Variants in SLC5A4 observed in about 807,000 individuals in gnomAD.
SLC5A4 encodes the protein solute carrier family 5 member 4.
SLC5A4 carries 55 observed loss-of-function variants against 70.3 expected under a neutral mutation model. That is an observed-to-expected ratio of 0.78 (90% CI 0.63 to 0.98). SLC5A4 has a LOEUF of 0.98. SLC5A4 is among the 50% of genes least tolerant of loss of function. SLC5A4 has a pLI of 0.00. For synonymous variants in SLC5A4, 268 were observed against 305.7 expected, an observed-to-expected ratio of 0.88 and a Z score of 1.29; for missense variants, 735 against 839.2, an observed-to-expected ratio of 0.88 and a Z score of 1.53.
At chr22:32,273,227 C>T in the SLC5A4 span, 1 of 341,122 alleles carries the variant, frequency 2.9e-6, no homozygotes, top group African/African-American at 2.1e-5. Flanking sequence ...TCAAGAATCT[C>T]AAAAATATTC....
At chr22:32,265,191 G>T in the SLC5A4 span, among the ~76,000 whole-genome samples, 1 of 152,184 alleles carries the variant, frequency 6.6e-6, no homozygotes, top group African/African-American at 2.4e-5. Flanking sequence ...CTTAAGACCA[G>T]TTCTGGCAAT....
the SLC5A4 span, among the ~76,000 whole-genome samples, chr22:32,306,619 G>A: frequency 5.3e-5 from 8 of 152,272 alleles, no homozygotes; most frequent in African/African-American, 1.9e-4. Context: ...CTCACATGAA[G>A]CCAGAGTTTA....
chr22:32,272,154 C>G, the SLC5A4 span: 1 of 703,316 alleles, frequency 1.4e-6, no homozygotes, highest in African/African-American at 1.7e-5. Flanking sequence ...TCAAAGGCTA[C>G]GCGTGGCCGC....
the SLC5A4 span, among the ~76,000 whole-genome samples, chr22:32,273,846 C>G: frequency 0.27 from 41,599 of 151,812 alleles, 5,662 homozygotes; most frequent in East Asian, 0.33. Flanking sequence ...AATGCTATTA[C>G]AGATTATAAA....
chr22:32,270,021 G>A, the SLC5A4 span: 11 of 493,304 alleles, frequency 2.2e-5, no homozygotes, highest in East Asian at 1.6e-4. Flanking sequence ...AGGAGCCCCC[G>A]GCCAGTGCTA....
At chr22:32,316,192 C>A in the SLC5A4 span, among the ~76,000 whole-genome samples, 1 of 150,706 alleles carries the variant, frequency 6.6e-6, no homozygotes, top group East Asian at 1.9e-4. Flanking sequence ...GTGAGAAGTA[C>A]TTAATACCCC....
At chr22:32,329,819 G>A in the SLC5A4 span, among the ~76,000 whole-genome samples, 2 of 66,354 alleles carry the variant, frequency 3.0e-5, no homozygotes, top group Non-Finnish European at 2.8e-5. Flanking sequence ...AGGCTCTGGT[G>A]TGTGTGTTGG....
the SLC5A4 span, among the ~76,000 whole-genome samples, chr22:32,263,847 C>T: frequency 4.6e-5 from 7 of 152,172 alleles, no homozygotes; most frequent in African/African-American, 7.2e-5. Context: ...GGCACATACA[C>T]ACCATGGAAT....
At chr22:32,317,585 C>A in the SLC5A4 span, among the ~76,000 whole-genome samples, 19 of 152,172 alleles carry the variant, frequency 1.2e-4, 1 homozygote, top group South Asian at 2.1e-4. Context: ...GCCCCTGCCT[C>A]CTGTGTAGCT....
At chr22:32,346,848 A>G in the SLC5A4 span, among the ~76,000 whole-genome samples, 1 of 148,698 alleles carries the variant, frequency 6.7e-6, no homozygotes, top group African/African-American at 2.5e-5. Flanking sequence ...GACAAAATTG[A>G]CAAATGGGAT....
chr22:32,324,258 C>T, the SLC5A4 span, among the ~76,000 whole-genome samples: 27,734 of 141,588 alleles, frequency 0.2, 2,800 homozygotes, highest in Admixed American at 0.24. Context: ...TATATATACA[C>T]ACATATATGT....
At chr22:32,304,044 T>C in the SLC5A4 span, among the ~76,000 whole-genome samples, 1 of 152,226 alleles carries the variant, frequency 6.6e-6, no homozygotes. Flanking sequence ...TCTGATGACA[T>C]ATGAGATGGA....
the SLC5A4 span, among the ~76,000 whole-genome samples, chr22:32,288,646 A>C: frequency 5.3e-5 from 8 of 152,058 alleles, no homozygotes; most frequent in African/African-American, 1.9e-4. Context: ...TCCCGGGTTC[A>C]AGTGATTCTC....
the SLC5A4 span, among the ~76,000 whole-genome samples, chr22:32,278,047 C>A: frequency 6.6e-6 from 1 of 152,034 alleles, no homozygotes; most frequent in Non-Finnish European, 1.5e-5. Context: ...GTTTAGGGCC[C>A]CACTGGATCA....
chr22:32,271,687 GCA>G, the SLC5A4 span: 1 of 578,398 alleles, frequency 1.7e-6, no homozygotes, highest in African/African-American at 1.9e-5. Flanking sequence ...TGCTGCGGCT[GCA>G]CCCCGTGGGC....
the SLC5A4 span, among the ~76,000 whole-genome samples, chr22:32,261,553 G>C: frequency 6.6e-6 from 1 of 152,168 alleles, no homozygotes. Context: ...CCAGGGGCAG[G>C]GTCAGAGTCC....
the SLC5A4 span, chr22:32,270,465 G>C: frequency 1.0e-6 from 1 of 978,876 alleles, no homozygotes; most frequent in Non-Finnish European, 1.6e-6. Context: ...CCAAGGGGGA[G>C]GGCACGGAGC....
the SLC5A4 span, among the ~76,000 whole-genome samples, chr22:32,335,918 C>A: frequency 6.6e-6 from 1 of 152,222 alleles, no homozygotes; most frequent in Non-Finnish European, 1.5e-5. Context: ...CCTCGGTTTC[C>A]ATCATTGTCA....
chr22:32,324,898 C>G, the SLC5A4 span, among the ~76,000 whole-genome samples: 1 of 152,260 alleles, frequency 6.6e-6, no homozygotes, highest in Non-Finnish European at 1.5e-5. Context: ...TGGAAGGAAT[C>G]TTTGGCAAAT....
Sources: allele counts gnomAD v4.1 joint callset (sites outside exome capture counted in the v4.1 genomes callset), GRCh38; gene constraint gnomAD v4.1.1; transcripts MANE v1.5; gene names NCBI Gene and HGNC (gene_info 2026-07-23, HGNC 2026-07-21).